NREP: variants seen among roughly 807,000 people sequenced by gnomAD.
NREP encodes the protein neuronal regeneration related protein.
A neutral mutation model predicts 8.6 loss-of-function variants in NREP; 5 were observed. That is an observed-to-expected ratio of 0.58 (90% confidence interval 0.30 to 1.22). NREP has a LOEUF of 1.22. Among genes scored for constraint, NREP ranks in the 50% most tolerant of loss-of-function variants. The probability of loss-of-function intolerance (pLI) is 0.07; values close to 1 mark genes in which losing one functional copy is unlikely to be tolerated. For synonymous variants in NREP, 27 were observed against 28.0 expected (o/e 0.96, Z 0.11); for missense variants, 86 against 82.5 (o/e 1.04, Z -0.17).
intron 2 of NREP, among the ~76,000 whole-genome samples, chr5:111,751,904 A>T (rs77647189): frequency 0.027 from 4,114 of 152,064 alleles, 193 homozygotes; most frequent in African/African-American, 0.095. Context: ...AGCACTAATT[A>T]AAAAAAATGT....
At position 111,795,814 on chromosome 5, in the gene NREP, T is replaced by G. The variant is rs531209836; in HGVS notation, c.136-60307A>C. On this transcript the variant is annotated intron_variant, in intron 2 of 3. Transcript: ENST00000395634. ...ATTTTAAAATCAATGGAAAGCAGAA[T>G]AGAAAGCAGAAATATGCATTTATTA... 1.4e-4 allele frequency among the ~76,000 whole-genome samples: 21 copies of G among 152,274 alleles called. No homozygotes were observed. The South Asian group carries it at 3.5e-3, about 26-fold the overall frequency.
chr5:111,817,176 C>A (rs1427753033), intron 2 of NREP, among the ~76,000 whole-genome samples: 3 of 152,160 alleles, frequency 2.0e-5, no homozygotes, highest in Non-Finnish European at 2.9e-5. Context: ...TTTATCTGTA[C>A]ATTTTTTATT....
chr5:111,873,030 G>A (rs1396576072), intron 2 of NREP, among the ~76,000 whole-genome samples: 2 of 152,020 alleles, frequency 1.3e-5, no homozygotes, highest in African/African-American at 4.8e-5. Flanking sequence ...TTAACTGCAA[G>A]GTATCATTGA....
chr5:111,950,215 C>A (rs1036311682), intron 2 of NREP, among the ~76,000 whole-genome samples: 1 of 151,908 alleles, frequency 6.6e-6, no homozygotes, highest in Non-Finnish European at 1.5e-5. Flanking sequence ...TGGAACAGAA[C>A]TGAGACCTAA....
chr5:111,827,212 T>A (rs1752650377), intron 2 of NREP, among the ~76,000 whole-genome samples: 1 of 152,316 alleles, frequency 6.6e-6, no homozygotes, highest in Non-Finnish European at 1.5e-5. Context: ...AATGTATGTT[T>A]GATAAAACTT....
chr5:111,842,807 C>G (rs1334614548), intron 2 of NREP, among the ~76,000 whole-genome samples: 2 of 152,154 alleles, frequency 1.3e-5, no homozygotes, highest in African/African-American at 4.8e-5. Flanking sequence ...GTCGTTATCT[C>G]TCACTCCTTC....
chr5:111,777,996 T>C (rs1751404708), intron 2 of NREP, among the ~76,000 whole-genome samples: 1 of 152,112 alleles, frequency 6.6e-6, no homozygotes, highest in South Asian at 2.1e-4. Context: ...AACAGCAAAA[T>C]ATCAAAACAA....
chr5:111,776,775 T>C (rs1751370759), intron 2 of NREP, among the ~76,000 whole-genome samples: 1 of 152,136 alleles, frequency 6.6e-6, no homozygotes, highest in Non-Finnish European at 1.5e-5. Context: ...GTGATAGAAG[T>C]TAGACTAGAG....
intron 2 of NREP, among the ~76,000 whole-genome samples, chr5:111,785,610 G>A (rs907997368): frequency 1.3e-5 from 2 of 152,074 alleles, no homozygotes; most frequent in African/African-American, 4.8e-5. Flanking sequence ...AGCTTTGGAA[G>A]CTACTGTTGG....
intron 2 of NREP, among the ~76,000 whole-genome samples, chr5:111,813,103 A>C (rs1752305857): frequency 6.6e-6 from 1 of 152,152 alleles, no homozygotes; most frequent in Non-Finnish European, 1.5e-5. Flanking sequence ...GGCTTTGAGC[A>C]TCAGTATATA....
intron 2 of NREP, among the ~76,000 whole-genome samples, chr5:111,964,892 A>G (rs1043833773): frequency 1.4e-5 from 2 of 142,192 alleles, no homozygotes; most frequent in South Asian, 2.2e-4. Flanking sequence ...AAAAAAAAAA[A>G]AAAGAAACCA....
Position 111,957,004 on chromosome 5 carries a change from C to T in NREP, c.135+18270G>A, listed in dbSNP as rs139566067. ...ATAAATAAATAAATAAATAAAATGC[C>T]AGTTAAGTACAATGACATACAGTAG... On this transcript the variant is annotated intron_variant, in intron 2 of 3. Coordinates refer to the NREP transcript ENST00000395634. 7.9e-3 allele frequency among the ~76,000 whole-genome samples: 941 copies of T among 119,042 alleles called. 6 individuals are homozygous for T. The highest frequency in any genetic ancestry group is 0.01 in the Admixed American group (122 of 11,824). The allele number at this position is 119,042 out of a possible 152,430, so 78.1% of individuals were successfully genotyped here.
intron 2 of NREP, among the ~76,000 whole-genome samples, chr5:111,928,036 G>A (rs925548168): frequency 6.6e-6 from 1 of 152,160 alleles, no homozygotes; most frequent in Non-Finnish European, 1.5e-5. Flanking sequence ...GTACAAGGCA[G>A]AGTGAAGAGA....
At chr5:111,755,571 C>T in intron 2 of NREP, 199 bp downstream of exon 2, 2 of 624,150 alleles carry the variant, frequency 3.2e-6, no homozygotes. Context: ...AATTGCAAGT[C>T]AAAGAACTAA....
chr5:111,806,019 T>C (rs1204101550), intron 2 of NREP, among the ~76,000 whole-genome samples: 1 of 152,176 alleles, frequency 6.6e-6, no homozygotes, highest in Non-Finnish European at 1.5e-5. Flanking sequence ...ACACTAAAAA[T>C]ATAATTTTTA....
At chr5:111,753,711 CA>C (rs1750523675) in intron 2 of NREP, among the ~76,000 whole-genome samples, 1 of 152,028 alleles carries the variant, frequency 6.6e-6, no homozygotes, top group Admixed American at 6.5e-5. Context: ...GTCCAGGAGA[CA>C]AATCTACTGC....
chr5:111,780,706 G>T (rs1378928898), intron 2 of NREP, among the ~76,000 whole-genome samples: 6 of 152,150 alleles, frequency 3.9e-5, no homozygotes, highest in African/African-American at 1.4e-4. Context: ...GAAACTAACA[G>T]AAAAAGCAGG....
intron 2 of NREP, among the ~76,000 whole-genome samples, chr5:111,936,631 T>C (rs893707397): frequency 6.6e-6 from 1 of 152,118 alleles, no homozygotes; most frequent in African/African-American, 2.4e-5. Context: ...TGTATTTTAG[T>C]GTAACAGTAT....
intron 2 of NREP, among the ~76,000 whole-genome samples, chr5:111,807,662 A>G (rs946188801): frequency 1.3e-5 from 2 of 151,356 alleles, no homozygotes; most frequent in South Asian, 2.1e-4. Flanking sequence ...AGAGACTTAG[A>G]AAAAAAAACC....
Sources: allele counts gnomAD v4.1 joint callset (sites outside exome capture counted in the v4.1 genomes callset), GRCh38; gene constraint gnomAD v4.1.1; transcripts MANE v1.5; gene names NCBI Gene and HGNC (gene_info 2026-07-23, HGNC 2026-07-21).